ITPKB: variants seen among roughly 807,000 people sequenced by gnomAD.
The protein encoded by ITPKB is inositol-trisphosphate 3-kinase B, also known as IP3 3-kinase B.
ITPKB carries 13 observed loss-of-function variants against 69.4 expected under a neutral mutation model. That is an observed-to-expected ratio of 0.19 (90% confidence interval 0.12 to 0.30). The LOEUF is 0.30. Ranked by LOEUF, ITPKB falls within the 10% of genes least tolerant of loss-of-function variation. The pLI is 1.00. For synonymous variants in ITPKB, 584 were observed against 513.7 expected, an observed-to-expected ratio of 1.14 and a Z score of -1.85; for missense variants, 1,240 against 1,250.5, an observed-to-expected ratio of 0.99 and a Z score of 0.13.
chr1:226,651,184 C>T (rs892573526), intron 2 of ITPKB, among the ~76,000 whole-genome samples: 6 of 152,028 alleles, frequency 3.9e-5, no homozygotes, highest in African/African-American at 1.4e-4. Flanking sequence ...GACAAAGGCC[C>T]GGGGACTGGA....
At chr1:226,702,834 C>A (rs1656701147) in intron 2 of ITPKB, among the ~76,000 whole-genome samples, 1 of 152,128 alleles carries the variant, frequency 6.6e-6, no homozygotes, top group Non-Finnish European at 1.5e-5. Flanking sequence ...ATTTTTTGTG[C>A]TTACCTTTAA....
In ITPKB at chr1:226,644,756, C is replaced by T. The variant is rs1426433826; in HGVS notation, c.2246+2411G>A. Reference sequence around the variant, plus strand: ...TGTCTCAAACTCTCTTGCCCTGGGACTCAGCATGTGAGGTAACCCTGGGCT... The same window carrying T: ...TGTCTCAAACTCTCTTGCCCTGGGATTCAGCATGTGAGGTAACCCTGGGCT... On this transcript the variant is annotated intron_variant, in intron 4 of 7. Coordinates refer to ENST00000429204, the MANE Select transcript of ITPKB (RefSeq NM_002221.4). Among the ~76,000 whole-genome samples, 3 of 152,244 alleles carry T rather than the reference C, an allele frequency of 2.0e-5. No individual in the cohort carries two copies. The East Asian group carries it at 5.8e-4, about 29-fold the overall frequency.
chr1:226,687,433 C>CA (rs1412134932), intron 2 of ITPKB, among the ~76,000 whole-genome samples: 3 of 152,298 alleles, frequency 2.0e-5, no homozygotes, highest in African/African-American at 7.2e-5. Context: ...TCTGCCCTCC[C>CA]ACATCACACC....
chr1:226,687,632 G>T (rs1416730316), intron 2 of ITPKB, among the ~76,000 whole-genome samples: 1 of 152,230 alleles, frequency 6.6e-6, no homozygotes, highest in African/African-American at 2.4e-5. Flanking sequence ...GGGGTTCCAT[G>T]AAACTGCAGC....
At position 226,670,461 on chromosome 1, in the gene ITPKB, G is replaced by C. The variant is rs371202934; in HGVS notation, c.1933-21690C>G. On this transcript the variant is annotated intron_variant, in intron 2 of 7. Transcript: ENST00000429204. ...TATGCCATTGTTTCTAATAACAATA[G>C]TAGTGAAAATAGCCCAACTTCCAAC... 7.9e-5 allele frequency among the ~76,000 whole-genome samples: 12 copies of C among 152,336 alleles called. 1 individual carries two copies. The highest frequency in any genetic ancestry group is 3.4e-3 in the Middle Eastern group (1 of 294).
chr1:226,678,364 C>T (rs1475604526), intron 2 of ITPKB, among the ~76,000 whole-genome samples: 1 of 152,232 alleles, frequency 6.6e-6, no homozygotes, highest in African/African-American at 2.4e-5. Context: ...GACTTGCTTT[C>T]CCTAAAGGGG....
intron 2 of ITPKB, among the ~76,000 whole-genome samples, chr1:226,678,938 C>T (rs904988824): frequency 2.6e-5 from 4 of 152,222 alleles, no homozygotes; most frequent in African/African-American, 9.6e-5. Flanking sequence ...AGGGAGCACG[C>T]CTCTGCGGAG....
intron 4 of ITPKB, among the ~76,000 whole-genome samples, chr1:226,644,683 C>T (rs1159568094): frequency 1.3e-5 from 2 of 152,242 alleles, no homozygotes; most frequent in Non-Finnish European, 2.9e-5. Flanking sequence ...TCTGCCCCCG[C>T]CATGCCCAGC....
chr1:226,688,798 C>T (rs559750926), intron 2 of ITPKB, among the ~76,000 whole-genome samples: 1 of 152,212 alleles, frequency 6.6e-6, no homozygotes, highest in South Asian at 2.1e-4. Flanking sequence ...ATGACTCTCA[C>T]TGATAAAGTC....
chr1:226,691,236 T>TA (rs1656341687), intron 2 of ITPKB, among the ~76,000 whole-genome samples: 1 of 151,060 alleles, frequency 6.6e-6, no homozygotes, highest in African/African-American at 2.5e-5. Context: ...TTTGCCACAT[T>TA]TAAAAAAAAA....
At chr1:226,669,800 A>C (rs915650707) in intron 2 of ITPKB, among the ~76,000 whole-genome samples, 1 of 152,132 alleles carries the variant, frequency 6.6e-6, no homozygotes, top group Non-Finnish European at 1.5e-5. Flanking sequence ...ATATAATTCA[A>C]CATACATATA....
At chr1:226,658,863 G>A (rs1261874712) in intron 2 of ITPKB, among the ~76,000 whole-genome samples, 2 of 152,152 alleles carry the variant, frequency 1.3e-5, no homozygotes, top group Non-Finnish European at 2.9e-5. Flanking sequence ...GTCCTTACCA[G>A]CCCCTGCAGA....
intron 2 of ITPKB, chr1:226,676,416 G>C (rs860677): frequency 1.3e-5 from 2 of 152,214 alleles, no homozygotes; most frequent in African/African-American, 4.8e-5. Flanking sequence ...ATCTCAGTGA[G>C]AGGCAAGATG....
At position 226,642,617 on chromosome 1, in the gene ITPKB, G is replaced by C. The variant is rs967501344; in HGVS notation, c.2247-492C>G. Among the ~76,000 whole-genome samples the C allele has an allele frequency of 6.6e-6, 1 of 152,122 alleles. No homozygotes were observed. Among genetic ancestry groups the C allele is most frequent in the African/African-American group, 2.4e-5 (1 of 41,422 alleles). ...CAGGAACCAGCAGAAGAAGGAAGACGGAGGCAGGGCAGCAGGGGGTGTCGG... is the reference window on the plus strand; with the variant it reads ...CAGGAACCAGCAGAAGAAGGAAGACCGAGGCAGGGCAGCAGGGGGTGTCGG... On this transcript the variant is annotated intron_variant, in intron 4 of 7. Coordinates refer to ENST00000429204, the MANE Select transcript of ITPKB (RefSeq NM_002221.4). The surrounding 1 kb of genome is among the most constrained non-coding windows in gnomAD (Gnocchi z 6.4).
At position 226,736,898 on chromosome 1, in the gene ITPKB, A is replaced by AG; in HGVS notation, c.560dup (p.Gly188TrpfsTer89). 1.2e-6 allele frequency: 2 copies of AG among 1,608,958 alleles called. No individual in the cohort carries two copies. ...GGGCGCCCTGAACCAGGACCCTTCC[A>AG]GGGGGCTGACTGCTGCTGCGGAAGG... On this transcript the variant is annotated frameshift_variant, in exon 2 of 8. Transcript: ENST00000429204. LOFTEE classifies it high-confidence loss of function.
chr1:226,738,694 GC>G lies in ITPKB; in HGVS notation c.-206+346del, dbSNP rs2102657232. Among the ~76,000 whole-genome samples, 1 of 152,286 alleles carries G rather than the reference GC, an allele frequency of 6.6e-6. No individual in the cohort carries two copies. The highest frequency in any genetic ancestry group is 1.9e-4 in the East Asian group (1 of 5,166). The stretch of plus-strand genomic sequence containing the variant: ...GCCGGCGCTCTAACACCCCAGGGCA[GC>G]GCCGCGGAGCGCAGGGCTTCTCCGC... On this transcript the variant is annotated intron_variant, in intron 1 of 7. Coordinates refer to ENST00000429204, the MANE Select transcript of ITPKB (RefSeq NM_002221.4). The surrounding 1 kb of genome is among the most constrained non-coding windows in gnomAD (Gnocchi z 4.2).
chr1:226,658,023 G>A (rs3768376), intron 2 of ITPKB, among the ~76,000 whole-genome samples: 12,042 of 152,282 alleles, frequency 0.079, 577 homozygotes, highest in East Asian at 0.15. Context: ...ACAAAGCGTC[G>A]AAAGTGGATG....
chr1:226,659,286 C>G (rs1669356600), intron 2 of ITPKB, among the ~76,000 whole-genome samples: 1 of 152,130 alleles, frequency 6.6e-6, no homozygotes, highest in Admixed American at 6.5e-5. Flanking sequence ...GGAGGTTGCC[C>G]AAGGCCCAGA....
intron 2 of ITPKB, among the ~76,000 whole-genome samples, chr1:226,700,494 A>C (rs989479805): frequency 1.4e-5 from 2 of 144,802 alleles, no homozygotes; most frequent in Non-Finnish European, 3.0e-5. Flanking sequence ...AAAAAAAAAA[A>C]AACCCAGAAC....
Sources: gnomAD v4.1 joint callset for allele counts (sites outside exome capture counted in the v4.1 genomes callset) on GRCh38, gnomAD v4.1.1 for gene constraint, Gnocchi (gnomAD v3.1) non-coding constraint, MANE v1.5 for transcripts, NCBI Gene and HGNC (gene_info 2026-07-23, HGNC 2026-07-21) for gene names.